Variants in GART observed in about 807,000 individuals in gnomAD.
GART encodes the protein phosphoribosylglycinamide formyltransferase, phosphoribosylglycinamide synthetase, phosphoribosylaminoimidazole synthetase, also known as trifunctional purine biosynthetic protein adenosine-3.
Under a neutral mutation model 107.2 loss-of-function variants are expected in GART, and 43 were observed. The observed-to-expected ratio is 0.40, with a 90% CI of 0.31 to 0.52. GART has a LOEUF of 0.52. Among genes scored for constraint, GART ranks in the 20% least tolerant of loss-of-function variants. The pLI, the probability that GART is intolerant of heterozygous loss-of-function variation, is 0.52. For missense variants in GART, 1,107 were observed against 1,206.5 expected, an observed-to-expected ratio of 0.92 and a Z score of 1.22; for synonymous variants, 434 against 427.0, an observed-to-expected ratio of 1.02 and a Z score of -0.20.
chr21:33,533,714 G>A (rs2085243433), intron 4 of GART, among the ~76,000 whole-genome samples: 3 of 152,080 alleles, frequency 2.0e-5, no homozygotes, highest in Admixed American at 2.0e-4. Flanking sequence ...AGACCGGCCT[G>A]GGAAACATGG....
At chr21:33,515,311 A>G (rs1444405465) in intron 16 of GART, among the ~76,000 whole-genome samples, 3 of 152,162 alleles carry the variant, frequency 2.0e-5, no homozygotes, top group African/African-American at 7.2e-5. Context: ...AGTTGACTAT[A>G]GCTGGAAAAG....
Position 33,528,594 on chromosome 21 carries a change from A to C in GART, c.822T>G (p.Tyr274Ter). The C allele has an allele frequency of 6.4e-7, 1 of 1,561,694 alleles. No individual in the cohort carries two copies. The highest frequency in any genetic ancestry group is 8.7e-7 in the Non-Finnish European group (1 of 1,155,928). ...CATTCTTGGTCAGCATTATTCCAGC[A>C]TAGAGAATACCTTCATTAAAAAAGA... The part of the protein sequence containing the change: ...QEGTPYTGIL[Y>*]AGIMLTKNGP... The change falls in exon 9 of 22, where the codon TAT (tyrosine) becomes TAG (stop). Residue 274 changes from tyrosine (Y) to a stop codon, truncating the protein, a stop_gained. Transcript: ENST00000381815. LOFTEE classifies it high-confidence loss of function.
At chr21:33,508,628 C>G (rs546512112) in intron 18 of GART, among the ~76,000 whole-genome samples, 6 of 151,476 alleles carry the variant, frequency 4.0e-5, no homozygotes, top group African/African-American at 1.5e-4. Flanking sequence ...AGCAATTCTC[C>G]TGTCTCAGCC....
chr21:33,531,739 C>T (rs2085195246), intron 5 of GART, 182 bp from the exon 6 acceptor site: 1 of 584,882 alleles, frequency 1.7e-6, no homozygotes, highest in Non-Finnish European at 3.0e-6. Context: ...TTTAATGTGG[C>T]AATAGTGTAG....
intron 1 of GART, among the ~76,000 whole-genome samples, chr21:33,541,497 G>C (rs1254628741): frequency 6.6e-6 from 1 of 152,230 alleles, no homozygotes; most frequent in Non-Finnish European, 1.5e-5. Context: ...TATAGCAGTA[G>C]TGTGGGAAAA....
intron 13 of GART, 32 bp from the exon 14 acceptor site, chr21:33,520,594 G>A: frequency 6.4e-7 from 1 of 1,569,924 alleles, no homozygotes; most frequent in Non-Finnish European, 8.7e-7. Flanking sequence ...ATCCACATTA[G>A]GGAATAAGTT....
At chr21:33,509,461 T>A (rs2084745251) in intron 18 of GART, 1 of 209,820 alleles carries the variant, frequency 4.8e-6, no homozygotes, top group Non-Finnish European at 9.4e-6. Flanking sequence ...CTTCTTCTAA[T>A]TAATAAGATA....
rs370991036 is a variant in GART, at chr21:33,531,568, GA to G, written c.529-12del. 8.3e-6 allele frequency: 12 copies of G among 1,439,736 alleles called. No homozygotes were observed. The African/African-American group carries it at 1.1e-4, about 13-fold the overall frequency. 89.2% of individuals were successfully genotyped at this position (1,439,736 alleles called of 1,614,324 possible). A position where few individuals can be genotyped will look rare whatever the true frequency, so the allele number is the denominator to read the frequency against. Reference sequence around the variant, plus strand: ...CCCAAAGGCTTTCTCCTGATTGTAAGATTTTTTTTTTTTTTTTTTTTAAAAA... The same window carrying G: ...CCCAAAGGCTTTCTCCTGATTGTAAGTTTTTTTTTTTTTTTTTTTTAAAAA... On this transcript the variant is annotated splice_polypyrimidine_tract_variant and intron_variant, in intron 5 of 21. Coordinates refer to ENST00000381815, the MANE Select transcript of GART (RefSeq NM_000819.5).
At chr21:33,539,049 G>T in intron 2 of GART, 122 bp downstream of exon 2, 1 of 867,986 alleles carries the variant, frequency 1.2e-6, no homozygotes, top group Non-Finnish European at 1.7e-6. Flanking sequence ...CAAAGTGCTG[G>T]GATTACAGGC....
intron 8 of GART, 75 bp downstream of exon 8, chr21:33,528,772 AGGG>A: frequency 2.8e-6 from 3 of 1,066,106 alleles, no homozygotes; most frequent in African/African-American, 1.7e-5. Context: ...AAAAAAAAAA[AGGG>A]AATGGAAAAT....
intron 18 of GART, chr21:33,509,197 T>G (rs2084740008): frequency 6.6e-6 from 1 of 152,310 alleles, no homozygotes; most frequent in African/African-American, 2.4e-5. Flanking sequence ...TGCAGTGTAC[T>G]ATGACTGCAT....
Position 33,511,235 on chromosome 21 carries a change from G to A in GART, c.2314+17C>T, listed in dbSNP as rs780981238. The A allele has an allele frequency of 5.0e-6, 8 of 1,613,240 alleles. No homozygotes were observed. Among genetic ancestry groups the A allele is most frequent in the Middle Eastern group, 1.6e-4 (1 of 6,084 alleles). ...CAGCTAAAATTATATATCTAAAAAT[G>A]AGTAAGGAGCAAGTACCTTCAGCTC... On this transcript the variant is annotated intron_variant, in intron 17 of 21. Coordinates refer to ENST00000381815, the MANE Select transcript of GART (RefSeq NM_000819.5).
intron 18 of GART, 42 bp from the exon 19 acceptor site, chr21:33,506,146 TC>T: frequency 2.5e-6 from 4 of 1,571,502 alleles, no homozygotes; most frequent in Non-Finnish European, 1.7e-6. Flanking sequence ...TACTACTACT[TC>T]TTTTTTTTTT....
chr21:33,515,300 T>C (rs1281700534), intron 16 of GART, among the ~76,000 whole-genome samples: 2 of 152,168 alleles, frequency 1.3e-5, no homozygotes, highest in African/African-American at 4.8e-5. Context: ...CAATGTGTAT[T>C]AGTTGACTAT....
chr21:33,517,395 G>A lies in GART; in HGVS notation c.1916C>T (p.Ser639Phe). 3.7e-6 allele frequency: 6 copies of A among 1,614,136 alleles called. No homozygotes were observed. The highest frequency in any genetic ancestry group is 5.1e-6 in the Non-Finnish European group (6 of 1,180,032). Residue 639 changes from serine (S) to phenylalanine (F), a missense_variant, in exon 15 of 22, where the codon TCC becomes TTC. Transcript: ENST00000381815. ...KIVAKSSLQYSSPAPDGCGDQ... is the reference protein window; with the variant it reads ...KIVAKSSLQYFSPAPDGCGDQ... The stretch of plus-strand genomic sequence containing the variant: ...ACCACAACCATCAGGTGCTGGAGAG[G>A]AGTACTGGAGGGAAGATTTTGCCAC...
chr21:33,538,984 G>A (rs2085355802), intron 2 of GART, among the ~76,000 whole-genome samples, 187 bp downstream of exon 2: 1 of 152,024 alleles, frequency 6.6e-6, no homozygotes, highest in African/African-American at 2.4e-5. Context: ...GTTTCACCAT[G>A]TTAGCCAGGA....
rs73197937 is a variant in GART, at chr21:33,534,401, G to C, written c.416+178C>G. Among the ~76,000 whole-genome samples, 832 of 151,710 alleles carry C rather than the reference G, an allele frequency of 5.5e-3. 9 individuals carry two copies. The highest frequency in any genetic ancestry group is 7.1e-3 in the Non-Finnish European group (482 of 67,898). On this transcript the variant is annotated intron_variant, in intron 4 of 21. Transcript: ENST00000381815. ...CTTTTTTTTTTCTGTATTTTTTGTA[G>C]AGACAGGGTTTTACCATGGTACCCA...
At position 33,522,235 on chromosome 21, in the gene GART, A is replaced by G. The variant is rs201912693; in HGVS notation, c.1346T>C (p.Met449Thr). The G allele has an allele frequency of 6.8e-6, 11 of 1,614,096 alleles. No homozygotes were observed. The highest frequency in any genetic ancestry group is 1.1e-5 in the South Asian group (1 of 91,084). Residue 449 changes from methionine (M) to threonine (T), a missense_variant, in exon 12 of 22, where the codon ATG becomes ACG. Physicochemically the swap from Met to Thr is moderately conservative, Grantham distance 81 (BLOSUM62 -1). Coordinates refer to ENST00000381815, the MANE Select transcript of GART (RefSeq NM_000819.5). ...TAAAGGCTGAATTTTCTTGACCAGC[A>G]TATTTCCAGCTGCGATATCTACTCC... ...ESGVDIAAGN[M>T]LVKKIQPLAK...
chr21:33,506,929 G>T (rs1376153650), intron 18 of GART, among the ~76,000 whole-genome samples: 1 of 152,100 alleles, frequency 6.6e-6, no homozygotes, highest in Non-Finnish European at 1.5e-5. Context: ...TGGCGAAGAT[G>T]TGGAGAAAAG....
Sources: allele counts gnomAD v4.1 joint callset (sites outside exome capture counted in the v4.1 genomes callset), GRCh38; gene constraint gnomAD v4.1.1; transcripts MANE v1.5; gene names NCBI Gene and HGNC (gene_info 2026-07-23, HGNC 2026-07-21).